The following RALYL variants were observed in gnomAD, a reference collection of about 807,000 sequenced individuals.
The protein encoded by RALYL is RALY RNA binding protein like.
A neutral mutation model predicts 35.1 loss-of-function variants in RALYL; 29 were observed. The ratio of observed to expected loss-of-function variants is 0.83; its 90% CI spans 0.61 to 1.13. The LOEUF is 1.13. Ranked by LOEUF, RALYL falls within the 50% of genes most tolerant of loss-of-function variation. The pLI is 0.00. For synonymous variants in RALYL, 120 were observed against 127.6 expected (o/e 0.94, Z 0.40); for missense variants, 359 against 360.4 (o/e 1.00, Z 0.03).
At chr8:84,335,527 T>G (rs1847606457) in intron 1 of RALYL, among the ~76,000 whole-genome samples, 1 of 151,932 alleles carries the variant, frequency 6.6e-6, no homozygotes, top group Non-Finnish European at 1.5e-5. Context: ...GTGCAAACTG[T>G]GGGGGACACA....
At chr8:84,217,131 A>G (rs944197117) in intron 1 of RALYL, among the ~76,000 whole-genome samples, 1 of 152,144 alleles carries the variant, frequency 6.6e-6, no homozygotes, top group African/African-American at 2.4e-5. Flanking sequence ...TATCATTAAT[A>G]TGTAAATCTT....
intron 4 of RALYL, among the ~76,000 whole-genome samples, chr8:84,845,551 T>C (rs1834460329): frequency 6.6e-6 from 1 of 152,214 alleles, no homozygotes; most frequent in South Asian, 2.1e-4. Context: ...TTAAGTTTCT[T>C]ACAGATTCTG....
intron 8 of RALYL, among the ~76,000 whole-genome samples, chr8:84,896,791 A>T (rs1329847597): frequency 6.6e-6 from 1 of 152,200 alleles, no homozygotes; most frequent in Non-Finnish European, 1.5e-5. Flanking sequence ...GTAAACCTGT[A>T]CTTACCTGTA....
At chr8:84,683,676 T>TTTTTGG (rs766083194) in intron 2 of RALYL, among the ~76,000 whole-genome samples, 7 of 152,002 alleles carry the variant, frequency 4.6e-5, no homozygotes, top group East Asian at 3.9e-4. Context: ...TGTTGTTTTG[T>TTTTTGG]TTTTGGTTTT....
intron 1 of RALYL, among the ~76,000 whole-genome samples, chr8:84,258,713 T>C (rs1831662191): frequency 6.6e-6 from 1 of 152,138 alleles, no homozygotes; most frequent in Non-Finnish European, 1.5e-5. Context: ...GTTTTAAGAA[T>C]TTTTTTACCA....
intron 5 of RALYL, among the ~76,000 whole-genome samples, chr8:84,861,080 T>C (rs1449623803): frequency 6.6e-6 from 1 of 152,102 alleles, no homozygotes; most frequent in East Asian, 1.9e-4. Flanking sequence ...TTTTATTTTC[T>C]TCCCATTCTA....
At chr8:84,262,687 G>A (rs757571203) in intron 1 of RALYL, among the ~76,000 whole-genome samples, 1 of 152,118 alleles carries the variant, frequency 6.6e-6, no homozygotes, top group Non-Finnish European at 1.5e-5. Context: ...TGCAACTAGA[G>A]TTGTCCAACC....
intron 2 of RALYL, among the ~76,000 whole-genome samples, chr8:84,688,260 G>C (rs941603960): frequency 2.6e-5 from 4 of 151,872 alleles, no homozygotes; most frequent in African/African-American, 9.7e-5. Context: ...CCATAATCTA[G>C]AATGTTAGGT....
chr8:84,830,614 G>T (rs1293152152), intron 4 of RALYL, among the ~76,000 whole-genome samples: 1 of 152,076 alleles, frequency 6.6e-6, no homozygotes, highest in Non-Finnish European at 1.5e-5. Context: ...ATGTTCCTCA[G>T]CTGTAAATAA....
At chr8:84,316,697 C>G (rs73306936) in intron 1 of RALYL, among the ~76,000 whole-genome samples, 7,213 of 152,184 alleles carry the variant, frequency 0.047, 266 homozygotes, top group African/African-American at 0.083. Flanking sequence ...AAACTTAGCA[C>G]CTTCTTAGAA....
chr8:84,600,912 T>C (rs1227860974), intron 2 of RALYL, among the ~76,000 whole-genome samples: 1 of 152,084 alleles, frequency 6.6e-6, no homozygotes, highest in Admixed American at 6.6e-5. Flanking sequence ...ATTTCCATCA[T>C]GATGCTATTG....
chr8:84,288,288 G>A (rs1393314308), intron 1 of RALYL, among the ~76,000 whole-genome samples: 1 of 152,084 alleles, frequency 6.6e-6, no homozygotes, highest in Non-Finnish European at 1.5e-5. Flanking sequence ...AATTCCCTAA[G>A]TTGATTCCAA....
intron 1 of RALYL, among the ~76,000 whole-genome samples, chr8:84,288,608 A>G (rs1346354779): frequency 6.8e-6 from 1 of 147,008 alleles, no homozygotes; most frequent in African/African-American, 2.4e-5. Flanking sequence ...ATTAAATTGT[A>G]TTGCCCAGTT....
At position 84,473,656 on chromosome 8, in the gene RALYL, G is replaced by T. The variant is rs373732052; in HGVS notation, c.-23-55643G>T. ...CATTGTATGTATGGAACATTTTTGG[G>T]TATGTTCATTTTGTGTACATTTTTT... On this transcript the variant is annotated intron_variant, in intron 1 of 8. Transcript: ENST00000521268. Among the ~76,000 whole-genome samples the T allele has an allele frequency of 1.5e-4, 23 of 151,758 alleles. 2 individuals carry two copies. In the South Asian group the frequency reaches 4.2e-3, roughly 27 times the overall value.
chr8:84,514,146 GAATACCTA>G (rs60533700), intron 1 of RALYL, among the ~76,000 whole-genome samples: 54,844 of 142,900 alleles, frequency 0.38, 10,403 homozygotes, highest in South Asian at 0.52. Flanking sequence ...GAAAAGAAAG[GAATACCTA>G]AATACCTATG....
chr8:84,351,475 AG>A lies in RALYL; in HGVS notation c.-24+167055del, dbSNP rs544017434. Among the ~76,000 whole-genome samples the A allele has an allele frequency of 9.3e-4, 140 of 149,802 alleles. 10 individuals are homozygous for A. The highest frequency in any genetic ancestry group is 3.4e-3 in the African/African-American group (137 of 40,154). On this transcript the variant is annotated intron_variant, in intron 1 of 8. Transcript: ENST00000521268. ...GTACAGAGGGACTTTTCCAGCTCCCAGGGGTGCATAAATTTCCTTTTTCTGT... is the reference window on the plus strand; with the variant it reads ...GTACAGAGGGACTTTTCCAGCTCCCAGGGTGCATAAATTTCCTTTTTCTGT...
intron 1 of RALYL, among the ~76,000 whole-genome samples, chr8:84,367,127 GTTTTCTT>G (rs1341707701): frequency 3.4e-5 from 5 of 146,534 alleles, no homozygotes; most frequent in South Asian, 2.1e-4. Flanking sequence ...TTTTTCTTTT[GTTTTCTT>G]TTTTCTTTTT....
intron 1 of RALYL, among the ~76,000 whole-genome samples, chr8:84,454,487 C>T (rs2049910530): frequency 6.6e-6 from 1 of 152,004 alleles, no homozygotes; most frequent in Non-Finnish European, 1.5e-5. Flanking sequence ...AGAGTATTTA[C>T]CTTCATTTAT....
chr8:84,324,857 C>T (rs558503763), intron 1 of RALYL, among the ~76,000 whole-genome samples: 1 of 152,120 alleles, frequency 6.6e-6, no homozygotes, highest in South Asian at 2.1e-4. Flanking sequence ...TAATGCTTCC[C>T]TCCTTCATAA....
Sources: allele counts gnomAD v4.1 joint callset (sites outside exome capture counted in the v4.1 genomes callset), GRCh38; gene constraint gnomAD v4.1.1; transcripts MANE v1.5; gene names NCBI Gene and HGNC (gene_info 2026-07-23, HGNC 2026-07-21).